ATP6V1H: variants seen among roughly 807,000 people sequenced by gnomAD.
The protein encoded by ATP6V1H is V-type proton ATPase subunit H.
ATP6V1H carries 39 observed loss-of-function variants against 71.7 expected under a neutral mutation model. The ratio of observed to expected loss-of-function variants is 0.54; its 90% confidence interval spans 0.42 to 0.71. ATP6V1H has a LOEUF of 0.71. Ranked by LOEUF, ATP6V1H falls within the 30% of genes least tolerant of loss-of-function variation. The pLI, the probability that ATP6V1H is intolerant of heterozygous loss-of-function variation, is 0.00. For synonymous variants in ATP6V1H, 192 were observed against 199.3 expected (o/e 0.96, Z 0.31); for missense variants, 509 against 594.9 (o/e 0.86, Z 1.50).
intron 11 of ATP6V1H, among the ~76,000 whole-genome samples, chr8:53,759,106 A>C (rs558300086): frequency 1.7e-4 from 26 of 152,354 alleles, no homozygotes; most frequent in African/African-American, 6.0e-4. Context: ...TAGAATCTGC[A>C]TTTTAACAAG....
rs1048883465 is a variant in ATP6V1H, at chr8:53,843,211, C to A, written c.-213G>T. 1.3e-5 allele frequency: 2 copies of A among 152,402 alleles called. No homozygotes were observed. The highest frequency in any genetic ancestry group is 4.8e-5 in the African/African-American group (2 of 41,456). The allele number at this position is 152,402 out of a possible 1,614,324, so 9.4% of individuals were successfully genotyped here. A position where few individuals can be genotyped will look rare whatever the true frequency, so the allele number is the denominator to read the frequency against. On this transcript the variant is annotated 5_prime_UTR_variant, in exon 1 of 14. Coordinates refer to ENST00000359530, the MANE Select transcript of ATP6V1H (RefSeq NM_015941.4). ...GGAGCCGAAAGTGAAGCGGGTCCCG[C>A]ACCAAGGAGACGTTGAGGGCCGCAC...
chr8:53,831,597 T>G (rs1220137441), intron 3 of ATP6V1H, among the ~76,000 whole-genome samples: 2 of 152,216 alleles, frequency 1.3e-5, no homozygotes, highest in Non-Finnish European at 2.9e-5. Flanking sequence ...AAAAGATGAA[T>G]GGCTAGACCC....
At chr8:53,786,484 CCCGGGTGAGGCGAT>C (rs1323004529) in intron 9 of ATP6V1H, among the ~76,000 whole-genome samples, 1 of 151,478 alleles carries the variant, frequency 6.6e-6, no homozygotes, top group African/African-American at 2.5e-5. Context: ...CCTTGCAGTT[CCCGGGTGAGGCGAT>C]GCCTCACCCT....
intron 13 of ATP6V1H, among the ~76,000 whole-genome samples, chr8:53,740,220 A>G (rs1487066895): frequency 2.0e-5 from 3 of 152,262 alleles, no homozygotes; most frequent in African/African-American, 7.2e-5. Context: ...CCATGATTTC[A>G]TAAGTAACAT....
intron 11 of ATP6V1H, among the ~76,000 whole-genome samples, chr8:53,766,662 C>G (rs1472394966): frequency 2.0e-5 from 3 of 152,170 alleles, no homozygotes; most frequent in African/African-American, 7.2e-5. Flanking sequence ...AGGGGTAGGT[C>G]TCTGAACTGG....
intron 2 of ATP6V1H, among the ~76,000 whole-genome samples, chr8:53,836,673 G>C (rs1176613755): frequency 6.6e-6 from 1 of 152,170 alleles, no homozygotes; most frequent in Admixed American, 6.5e-5. Context: ...CTACCAGGCG[G>C]CCTTCTCAAG....
At chr8:53,817,237 T>TAA (rs35983124) in intron 5 of ATP6V1H, among the ~76,000 whole-genome samples, 180 bp downstream of exon 5, 4 of 144,392 alleles carry the variant, frequency 2.8e-5, no homozygotes, top group Admixed American at 6.9e-5. Context: ...TCTTTGTATT[T>TAA]AAAAAAAAAA....
At chr8:53,801,714 T>C (rs1809915023) in intron 8 of ATP6V1H, 85 bp downstream of exon 8, 1 of 1,113,934 alleles carries the variant, frequency 9.0e-7, no homozygotes, top group African/African-American at 1.6e-5. Context: ...AAAATATTTC[T>C]TTTAGATGAT....
chr8:53,838,520 T>C (rs919501981), intron 2 of ATP6V1H, among the ~76,000 whole-genome samples: 1 of 152,198 alleles, frequency 6.6e-6, no homozygotes, highest in Non-Finnish European at 1.5e-5. Context: ...TGTAAATATA[T>C]ATACACTTTA....
chr8:53,820,678 A>AAAGG (rs1243017605), intron 4 of ATP6V1H, among the ~76,000 whole-genome samples: 1 of 151,444 alleles, frequency 6.6e-6, no homozygotes, highest in African/African-American at 2.4e-5. Context: ...AAAAAAAAAA[A>AAAGG]AAAAGAAAAG....
At chr8:53,734,452 G>T (rs1187789002) in intron 13 of ATP6V1H, among the ~76,000 whole-genome samples, 1 of 152,166 alleles carries the variant, frequency 6.6e-6, no homozygotes, top group African/African-American at 2.4e-5. Context: ...GGGTACTTCA[G>T]CCCAGAAGGA....
rs745549312 is a variant in ATP6V1H at position 53,841,699 on chromosome 8, C to T, written c.-9G>A. ...ATATCCATTTTGGTCATCTAAACTT[C>T]GTAATCTTGAATGTCTTTCAACAAA... is the stretch of plus-strand genomic sequence containing the variant. On this transcript the variant is annotated 5_prime_UTR_variant, in exon 2 of 14. Transcript: ENST00000359530. The T allele has an allele frequency of 4.3e-6, 7 of 1,611,752 alleles. No homozygotes were observed. In the African/African-American group the frequency reaches 8.0e-5, roughly 18 times the overall value.
At chr8:53,727,979 AC>A (rs1806874990) in intron 13 of ATP6V1H, among the ~76,000 whole-genome samples, 2 of 152,306 alleles carry the variant, frequency 1.3e-5, no homozygotes, top group South Asian at 4.1e-4. Flanking sequence ...AACTAAAAAA[AC>A]TGGTCTTCTT....
chr8:53,758,696 G>A (rs1215580097), intron 11 of ATP6V1H, among the ~76,000 whole-genome samples: 1 of 152,158 alleles, frequency 6.6e-6, no homozygotes, highest in Non-Finnish European at 1.5e-5. Context: ...CTTATTTTCA[G>A]AATTTCGTTA....
intron 13 of ATP6V1H, among the ~76,000 whole-genome samples, chr8:53,726,129 T>C (rs1806803117): frequency 6.6e-6 from 1 of 152,220 alleles, no homozygotes; most frequent in Admixed American, 6.5e-5. Context: ...CTCTTTCTAG[T>C]GCTATGCCAC....
At chr8:53,738,325 A>T (rs1432082093) in intron 13 of ATP6V1H, among the ~76,000 whole-genome samples, 1 of 150,956 alleles carries the variant, frequency 6.6e-6, no homozygotes. Context: ...GTGCACGTGC[A>T]CACACACACA....
intron 13 of ATP6V1H, among the ~76,000 whole-genome samples, chr8:53,726,105 T>C (rs1423251892): frequency 6.6e-6 from 1 of 152,218 alleles, no homozygotes; most frequent in Non-Finnish European, 1.5e-5. Flanking sequence ...GCCTATTCTT[T>C]GAAAAAGTTG....
intron 12 of ATP6V1H, among the ~76,000 whole-genome samples, chr8:53,749,990 A>G (rs1290234101): frequency 6.6e-6 from 1 of 152,230 alleles, no homozygotes; most frequent in Non-Finnish European, 1.5e-5. Flanking sequence ...GCAATGGAAC[A>G]GTTTTATTCC....
chr8:53,812,160 G>A (rs998276405), intron 6 of ATP6V1H, among the ~76,000 whole-genome samples: 1 of 151,994 alleles, frequency 6.6e-6, no homozygotes, highest in African/African-American at 2.4e-5. Flanking sequence ...ACAGCAAGAG[G>A]GACAGTGCAA....
Sources: allele counts gnomAD v4.1 joint callset (sites outside exome capture counted in the v4.1 genomes callset), GRCh38; gene constraint gnomAD v4.1.1; transcripts MANE v1.5; gene names NCBI Gene and HGNC (gene_info 2026-07-23, HGNC 2026-07-21).